FARS2: variants seen among roughly 807,000 people sequenced by gnomAD.
The protein encoded by FARS2 is phenylalanyl-tRNA synthetase 2, mitochondrial, also known as phenylalanine--tRNA ligase, mitochondrial.
Under a neutral mutation model 46.4 loss-of-function variants are expected in FARS2, and 40 were observed. The observed-to-expected ratio is 0.86, with a 90% confidence interval of 0.67 to 1.12. The LOEUF (loss-of-function observed/expected upper bound fraction) is 1.12. Ranked by LOEUF, FARS2 falls within the 50% of genes most tolerant of loss-of-function variation. The pLI, the probability that FARS2 is intolerant of heterozygous loss-of-function variation, is 0.00. For synonymous variants in FARS2, 234 were observed against 214.9 expected, an observed-to-expected ratio of 1.09 and a Z score of -0.78; for missense variants, 513 against 567.9, an observed-to-expected ratio of 0.90 and a Z score of 0.98.
intron 5 of FARS2, among the ~76,000 whole-genome samples, chr6:5,611,991 T>C (rs2150670588): frequency 6.6e-6 from 1 of 152,356 alleles, no homozygotes; most frequent in African/African-American, 2.4e-5. Flanking sequence ...CAAACTCCTG[T>C]CATCTATTGT....
chr6:5,610,021 C>G, intron 5 of FARS2: 5 of 986,804 alleles, frequency 5.1e-6, no homozygotes, highest in Non-Finnish European at 8.0e-6. Flanking sequence ...GGCATAGTGA[C>G]AAACCCAAAG....
chr6:5,320,282 C>T (rs190719860), intron 1 of FARS2, among the ~76,000 whole-genome samples: 3 of 151,876 alleles, frequency 2.0e-5, no homozygotes, highest in Non-Finnish European at 2.9e-5. Flanking sequence ...ATCTGCTGCT[C>T]TCCAGAGAGA....
At position 5,410,492 on chromosome 6, in the gene FARS2, A is replaced by G. The variant is rs190233716; in HGVS notation, c.772+5791A>G. On this transcript the variant is annotated intron_variant, in intron 3 of 6. Transcript: ENST00000274680. ...GTTCTATTTCAGGCATTTCAGAAGCACTAATTAGTTATGGGTTTTGGGTTC... is the reference window on the plus strand; with the variant it reads ...GTTCTATTTCAGGCATTTCAGAAGCGCTAATTAGTTATGGGTTTTGGGTTC... Among the ~76,000 whole-genome samples, 357 of 152,238 alleles carry G rather than the reference A, an allele frequency of 2.3e-3. 2 individuals carry two copies. The highest frequency in any genetic ancestry group is 7.6e-3 in the African/African-American group (315 of 41,538).
chr6:5,365,660 C>T (rs1230441881), intron 1 of FARS2, among the ~76,000 whole-genome samples: 2 of 151,818 alleles, frequency 1.3e-5, no homozygotes, highest in South Asian at 2.1e-4. Flanking sequence ...CTGAGAAATG[C>T]ACTTGACCCC....
intron 2 of FARS2, among the ~76,000 whole-genome samples, chr6:5,378,807 C>G (rs1759556570): frequency 1.3e-5 from 2 of 152,182 alleles, no homozygotes; most frequent in South Asian, 4.1e-4. Context: ...AATTATTTTT[C>G]TCTGTTCACA....
At chr6:5,488,666 T>C (rs1766923100) in intron 4 of FARS2, among the ~76,000 whole-genome samples, 1 of 124,074 alleles carries the variant, frequency 8.1e-6, no homozygotes, top group Admixed American at 7.3e-5. Flanking sequence ...CTTGTTGAAT[T>C]TGAGGTGCCT....
At chr6:5,762,947 T>C (rs955841565) in intron 6 of FARS2, among the ~76,000 whole-genome samples, 1 of 152,134 alleles carries the variant, frequency 6.6e-6, no homozygotes, top group Admixed American at 6.5e-5. Flanking sequence ...GGACAGACCG[T>C]TGTGAGAACG....
At chr6:5,397,771 C>T (rs1287937145) in intron 2 of FARS2, among the ~76,000 whole-genome samples, 1 of 151,582 alleles carries the variant, frequency 6.6e-6, no homozygotes, top group Non-Finnish European at 1.5e-5. Flanking sequence ...GTGTCCATCT[C>T]CTTTATTAAA....
chr6:5,432,417 T>TA (rs1554184629), intron 4 of FARS2, among the ~76,000 whole-genome samples: 1 of 122,686 alleles, frequency 8.2e-6, no homozygotes, highest in African/African-American at 3.0e-5. Context: ...TTATATATAA[T>TA]ATATAATATA....
intron 6 of FARS2, among the ~76,000 whole-genome samples, chr6:5,746,158 C>T (rs943544994): frequency 3.9e-5 from 6 of 152,084 alleles, no homozygotes; most frequent in Admixed American, 6.5e-5. Context: ...CCCAGGCGGC[C>T]GGCAGATAAT....
chr6:5,605,905 A>T (rs1280639809), intron 5 of FARS2, among the ~76,000 whole-genome samples: 2 of 152,242 alleles, frequency 1.3e-5, no homozygotes, highest in Non-Finnish European at 2.9e-5. Context: ...TGATAGATTC[A>T]TTAAAATAAA....
chr6:5,759,182 C>G (rs2150975293), intron 6 of FARS2, among the ~76,000 whole-genome samples: 1 of 152,236 alleles, frequency 6.6e-6, no homozygotes, highest in East Asian at 1.9e-4. Flanking sequence ...TATGTGCCAT[C>G]CCCTCTGTCT....
chr6:5,351,581 C>G (rs761555674), intron 1 of FARS2, among the ~76,000 whole-genome samples: 1 of 152,146 alleles, frequency 6.6e-6, no homozygotes. Flanking sequence ...TTATTTTCCT[C>G]GATTACAGAA....
intron 4 of FARS2, among the ~76,000 whole-genome samples, chr6:5,461,691 A>G (rs1243925955): frequency 6.6e-6 from 1 of 152,170 alleles, no homozygotes. Context: ...ATCATACAAT[A>G]TGTAGTCTTT....
At chr6:5,623,502 A>G (rs946268819) in intron 6 of FARS2, among the ~76,000 whole-genome samples, 12 of 152,178 alleles carry the variant, frequency 7.9e-5, no homozygotes, top group African/African-American at 2.9e-4. Flanking sequence ...TCACGAGGTC[A>G]GGAGTTTGAG....
rs140616637 is a variant in FARS2 at position 5,680,460 on chromosome 6, C to T, written c.1217+67140C>T. On this transcript the variant is annotated intron_variant, in intron 6 of 6. Transcript: ENST00000274680. Reference sequence around the variant, plus strand: ...ACAACACAGGTGAACATAGGGAAAACGCTAAATGAGAATTATGATCAACTA... The same window carrying T: ...ACAACACAGGTGAACATAGGGAAAATGCTAAATGAGAATTATGATCAACTA... Among the ~76,000 whole-genome samples, 378 of 152,266 alleles carry T rather than the reference C, an allele frequency of 2.5e-3. 1 individual carries two copies. The highest frequency in any genetic ancestry group is 8.3e-3 in the South Asian group (40 of 4,824).
In FARS2 at chr6:5,290,319, T is replaced by C. The variant is rs144939202; in HGVS notation, c.-22+28659T>C. 4.2e-3 allele frequency among the ~76,000 whole-genome samples: 637 copies of C among 152,306 alleles called. 1 individual carries two copies. Among genetic ancestry groups the C allele is most frequent in the African/African-American group, 0.014 (601 of 41,568 alleles). On this transcript the variant is annotated intron_variant, in intron 1 of 6. Transcript: ENST00000274680. ...TTCTCTAGGTAGGTAGTTCACTTTT[T>C]GTACAAAGCTGGCAGGTTCTGTGGA...
chr6:5,727,822 C>T lies in FARS2; in HGVS notation c.1218-43469C>T, dbSNP rs1348599552. On this transcript the variant is annotated intron_variant, in intron 6 of 6. Coordinates refer to ENST00000274680, the MANE Select transcript of FARS2 (RefSeq NM_006567.5). This position sits in a 1 kb window ranked among gnomAD's most constrained non-coding sequence, Gnocchi z 4.1. ...TGCTCGTTGCCATGTGTCCCCAGCA[C>T]TTGGATATGTAATGCGAGGGATACC... Among the ~76,000 whole-genome samples, 3 of 152,166 alleles carry T rather than the reference C, an allele frequency of 2.0e-5. No homozygotes were observed. The highest frequency in any genetic ancestry group is 7.2e-5 in the African/African-American group (3 of 41,438).
intron 6 of FARS2, among the ~76,000 whole-genome samples, chr6:5,621,832 G>A (rs1031010051): frequency 6.6e-6 from 1 of 152,228 alleles, no homozygotes; most frequent in East Asian, 1.9e-4. Context: ...CTTCAGAACT[G>A]AGGGAAGGTC....
Sources: gnomAD v4.1 joint callset for allele counts (sites outside exome capture counted in the v4.1 genomes callset) on GRCh38, gnomAD v4.1.1 for gene constraint, Gnocchi (gnomAD v3.1) non-coding constraint, MANE v1.5 for transcripts, NCBI Gene and HGNC (gene_info 2026-07-23, HGNC 2026-07-21) for gene names.